Variants in CDH2 observed in about 807,000 individuals in gnomAD.
CDH2 encodes the protein cadherin-2.
Under a neutral mutation model 92.0 loss-of-function variants are expected in CDH2, and 17 were observed. The ratio of observed to expected loss-of-function variants is 0.18; its 90% CI spans 0.13 to 0.28. The LOEUF is 0.28. Ranked by LOEUF, CDH2 falls within the 10% of genes least tolerant of loss-of-function variation. The probability of loss-of-function intolerance (pLI) is 1.00; values close to 1 mark genes in which losing one functional copy is unlikely to be tolerated. For missense variants in CDH2, 862 were observed against 1,133.1 expected, an observed-to-expected ratio of 0.76 and a Z score of 3.44; for synonymous variants, 419 against 415.9, an observed-to-expected ratio of 1.01 and a Z score of -0.09.
intron 6 of CDH2, among the ~76,000 whole-genome samples, chr18:27,941,895 T>A (rs1402122503): frequency 6.6e-6 from 1 of 152,224 alleles, no homozygotes; most frequent in Non-Finnish European, 1.5e-5. Context: ...TGTACTTGGA[T>A]ATTCTTCCAG....
At chr18:27,998,589 G>C (rs1442877155) in intron 7 of CDH2, among the ~76,000 whole-genome samples, 1 of 152,152 alleles carries the variant, frequency 6.6e-6, no homozygotes, top group Non-Finnish European at 1.5e-5. Context: ...ACTTCAAGTG[G>C]ACAAGGAAGG....
At chr18:28,144,428 T>A (rs1239538714) in intron 2 of CDH2, among the ~76,000 whole-genome samples, 1 of 151,882 alleles carries the variant, frequency 6.6e-6, no homozygotes, top group Admixed American at 6.6e-5. Context: ...TAAATGGTGA[T>A]GAGGATATTG....
chr18:27,993,066 T>C (rs1029071485), intron 8 of CDH2, among the ~76,000 whole-genome samples: 35 of 152,216 alleles, frequency 2.3e-4, no homozygotes, highest in African/African-American at 8.0e-4. Context: ...ACAGTTTCAT[T>C]AATATTAAAA....
intron 2 of CDH2, among the ~76,000 whole-genome samples, chr18:28,083,060 T>C (rs1268782420): frequency 6.6e-6 from 1 of 152,156 alleles, no homozygotes; most frequent in Non-Finnish European, 1.5e-5. Context: ...GCCTATGGAC[T>C]TCCTAGGGGA....
chr18:28,056,631 T>C (rs1224296100), intron 2 of CDH2, among the ~76,000 whole-genome samples: 4 of 152,170 alleles, frequency 2.6e-5, no homozygotes, highest in Admixed American at 6.5e-5. Flanking sequence ...TGTGATCCCA[T>C]TTTGATCAAG....
At chr18:28,024,976 A>G (rs2013511560) in intron 2 of CDH2, among the ~76,000 whole-genome samples, 1 of 152,234 alleles carries the variant, frequency 6.6e-6, no homozygotes, top group Non-Finnish European at 1.5e-5. Flanking sequence ...ACAGTAAATG[A>G]TAAAATTTAT....
At chr18:28,162,895 G>C (rs1052479483) in intron 1 of CDH2, among the ~76,000 whole-genome samples, 10 of 152,278 alleles carry the variant, frequency 6.6e-5, no homozygotes, top group African/African-American at 2.4e-4. Context: ...TGAAAATGCA[G>C]GTCAAGTGCT....
At position 28,018,146 on chromosome 18, in the gene CDH2, C is replaced by T. The variant is rs574853319; in HGVS notation, c.173-4237G>A. Reference sequence around the variant, plus strand: ...CTGAGAATCAAATCAAGAACTCACCCCCTTTTACAATAGCTACAAAAAAAA... The same window carrying T: ...CTGAGAATCAAATCAAGAACTCACCTCCTTTTACAATAGCTACAAAAAAAA... On this transcript the variant is annotated intron_variant, in intron 2 of 15. Transcript: ENST00000269141. Among the ~76,000 whole-genome samples the T allele has an allele frequency of 1.5e-4, 22 of 150,844 alleles. No individual in the cohort carries two copies. The East Asian group carries it at 4.3e-3, about 29-fold the overall frequency.
At chr18:28,010,268 GAATT>G (rs1274954855) in intron 4 of CDH2, among the ~76,000 whole-genome samples, 3 of 152,104 alleles carry the variant, frequency 2.0e-5, no homozygotes, top group Non-Finnish European at 2.9e-5. Context: ...GTAACAACAA[GAATT>G]AATTGTCTAT....
chr18:28,112,144 C>A (rs1435300437), intron 2 of CDH2, among the ~76,000 whole-genome samples: 1 of 152,152 alleles, frequency 6.6e-6, no homozygotes, highest in Non-Finnish European at 1.5e-5. Flanking sequence ...AAAGTTTAGT[C>A]ATCAGCAGAT....
chr18:27,990,213 G>A lies in CDH2; in HGVS notation c.1482C>T (p.Asn494=), dbSNP rs771364472. 6.2e-7 allele frequency: 1 copy of A among 1,614,104 alleles called. No homozygotes were observed. The highest frequency in any genetic ancestry group is 1.7e-5 in the Admixed American group (1 of 60,016). Residue 494 remains asparagine (N), a synonymous_variant, in exon 10 of 16, where the codon AAC becomes AAT. Transcript: ENST00000269141. ...TCTTAGGATTGGGGGCAAAATAAGG[G>A]TTTTCATTTACGTCAATAACTGTAA... ...VSVTVIDVNE[N]PYFAPNPKII...
chr18:28,008,854 T>C (rs2013017727), intron 5 of CDH2, among the ~76,000 whole-genome samples: 1 of 152,124 alleles, frequency 6.6e-6, no homozygotes, highest in East Asian at 1.9e-4. Flanking sequence ...TCCATGCACA[T>C]GTGGGATGAA....
chr18:27,980,633 A>G (rs915366876), intron 14 of CDH2, among the ~76,000 whole-genome samples: 8 of 152,156 alleles, frequency 5.3e-5, no homozygotes, highest in Admixed American at 2.0e-4. Flanking sequence ...CTAATATGCT[A>G]TCAAAGAACC....
At chr18:28,028,999 A>G (rs1313037929) in intron 2 of CDH2, among the ~76,000 whole-genome samples, 1 of 152,154 alleles carries the variant, frequency 6.6e-6, no homozygotes, top group African/African-American at 2.4e-5. Flanking sequence ...TTATTTGTGA[A>G]ATATTATCAT....
At chr18:28,054,324 A>G (rs2014250517) in intron 2 of CDH2, among the ~76,000 whole-genome samples, 1 of 152,126 alleles carries the variant, frequency 6.6e-6, no homozygotes, top group African/African-American at 2.4e-5. Context: ...TGAAGTTCTA[A>G]CCTAGATAAA....
intron 1 of CDH2, among the ~76,000 whole-genome samples, chr18:28,159,612 CT>C (rs2016274345): frequency 6.6e-6 from 1 of 150,622 alleles, no homozygotes; most frequent in Admixed American, 6.6e-5. Flanking sequence ...ACTTGGGCTT[CT>C]GGCAGTGGGA....
At chr18:28,005,038 A>G (rs2012875933) in intron 6 of CDH2, among the ~76,000 whole-genome samples, 1 of 152,224 alleles carries the variant, frequency 6.6e-6, no homozygotes, top group Admixed American at 6.5e-5. Flanking sequence ...CAAAAATACA[A>G]TAGCTAATTA....
chr18:28,051,037 TCAAA>T (rs2014181028), intron 2 of CDH2, among the ~76,000 whole-genome samples: 1 of 152,152 alleles, frequency 6.6e-6, no homozygotes, highest in Non-Finnish European at 1.5e-5. Context: ...TTTAATTCTC[TCAAA>T]CAATTTTTCC....
chr18:27,985,369 T>C (rs2012197049), intron 12 of CDH2, 136 bp from the exon 13 acceptor site: 2 of 778,076 alleles, frequency 2.6e-6, no homozygotes, highest in Middle Eastern at 3.7e-4. Context: ...TTCTAAATAC[T>C]TTTTTGGCCG....
Sources: allele counts gnomAD v4.1 joint callset (sites outside exome capture counted in the v4.1 genomes callset), GRCh38; gene constraint gnomAD v4.1.1; transcripts MANE v1.5; gene names NCBI Gene and HGNC (gene_info 2026-07-23, HGNC 2026-07-21).